The following DCTN2 variants were observed in gnomAD, a reference collection of about 807,000 sequenced individuals.
DCTN2 encodes dynactin subunit 2.
In DCTN2, 18 loss-of-function variants were observed where a neutral mutation model predicts 55.4. That is an observed-to-expected ratio of 0.32 (90% CI 0.22 to 0.48). The LOEUF is 0.48. DCTN2 is among the 20% of genes least tolerant of loss of function. The probability of loss-of-function intolerance (pLI) is 0.99; values close to 1 mark genes in which losing one functional copy is unlikely to be tolerated. For synonymous variants in DCTN2, 168 were observed against 185.2 expected (o/e 0.91, Z 0.76); for missense variants, 390 against 491.0 (o/e 0.79, Z 1.94).
At position 57,532,061 on chromosome 12, in the gene DCTN2, T is replaced by A. The variant is rs1438867633; in HGVS notation, c.1073A>T (p.Gln358Leu). 6.4e-7 allele frequency: 1 copy of A among 1,566,368 alleles called. No homozygotes were observed. The highest frequency in any genetic ancestry group is 1.2e-5 in the South Asian group (1 of 84,816). ...QLLTHLDTTQQMIANSLKDNT... is the reference protein window; with the variant it reads ...QLLTHLDTTQLMIANSLKDNT... The stretch of plus-strand genomic sequence containing the variant: ...GTCCTTCAAGGAATTAGCAATCATC[T>A]GCTGGGTGGTATCCAAGTGTGTCAG... Residue 358 changes from glutamine (Q) to leucine (L), a missense_variant, in exon 13 of 14, where the codon CAG becomes CTG. Gln to Leu is a moderately radical substitution (Grantham distance 113). Around this residue, in one of 2 missense-constraint regions of DCTN2, gnomAD observed 273 missense variants for 303.2 expected, o/e 0.90. Transcript: ENST00000548249.
intron 6 of DCTN2, 37 bp downstream of exon 6, chr12:57,534,253 CCA>C: frequency 6.5e-7 from 1 of 1,549,906 alleles, no homozygotes; most frequent in East Asian, 2.3e-5. Context: ...ATCCACAACC[CCA>C]GTCAGCAATG....
chr12:57,542,360 C>T (rs1467095786), intron 2 of DCTN2, among the ~76,000 whole-genome samples: 1 of 151,916 alleles, frequency 6.6e-6, no homozygotes, highest in African/African-American at 2.4e-5. Flanking sequence ...CTATGGGAAT[C>T]GGAAAATGTT....
At chr12:57,541,229 G>A (rs1880662060) in intron 2 of DCTN2, 2 of 935,706 alleles carry the variant, frequency 2.1e-6, no homozygotes, top group Admixed American at 2.5e-5. Flanking sequence ...AAGGCCAGCA[G>A]GCCCCTCAGT....
At chr12:57,533,832 A>G in intron 7 of DCTN2, 121 bp downstream of exon 7, 1 of 1,030,768 alleles carries the variant, frequency 9.7e-7, no homozygotes, top group South Asian at 1.8e-5. Flanking sequence ...AAGAGGAATC[A>G]ATCAAGAGGA....
At position 57,534,054 on chromosome 12, in the gene DCTN2, C is replaced by T; in HGVS notation, c.568G>A (p.Gly190Arg). The T allele has an allele frequency of 6.2e-7, 1 of 1,612,338 alleles. No homozygotes were observed. Among genetic ancestry groups the T allele is most frequent in the Non-Finnish European group, 8.5e-7 (1 of 1,179,292 alleles). The change falls in exon 7 of 14, where the codon GGA (glycine) becomes AGA (arginine). Residue 190 changes from glycine to arginine, a missense_variant. Physicochemically the swap from Gly to Arg is moderately radical, Grantham distance 125. This residue lies in a region of DCTN2 where 273 missense variants were observed against 303.2 expected (regional missense o/e 0.90). Transcript: ENST00000548249. ...GTCCCAGTGGTTTTTCCCCCTGATC[C>T]CCCTTTGCTGTTCTTTGTTGCTTCC... ...QLEATKNSKG[G>R]SGGKTTGTPP...
At chr12:57,530,897 G>A (rs1253436275) in intron 13 of DCTN2, 122 bp from the exon 14 acceptor site, 4 of 863,728 alleles carry the variant, frequency 4.6e-6, no homozygotes, top group South Asian at 3.0e-5. Context: ...GGCCACAGAG[G>A]GGGGATGTTT....
In DCTN2 at chr12:57,544,785, C is replaced by T. The variant is rs117703790; in HGVS notation, c.105+1243G>A. 2.2e-4 allele frequency among the ~76,000 whole-genome samples: 33 copies of T among 152,214 alleles called. 1 individual carries two copies. In the East Asian group the frequency reaches 6.2e-3, roughly 28 times the overall value. On this transcript the variant is annotated intron_variant, in intron 2 of 13. Coordinates refer to ENST00000548249, the MANE Select transcript of DCTN2 (RefSeq NM_001261413.2). Reference sequence around the variant, plus strand: ...ATACAGAGAACCGATTGTATACACTCCTATTCTGTGAGGACAGAGGCAGCT... The same window carrying T: ...ATACAGAGAACCGATTGTATACACTTCTATTCTGTGAGGACAGAGGCAGCT...
intron 2 of DCTN2, among the ~76,000 whole-genome samples, chr12:57,545,716 G>C (rs1881093153): frequency 6.6e-6 from 1 of 152,160 alleles, no homozygotes; most frequent in Non-Finnish European, 1.5e-5. Flanking sequence ...CCATGGGTTA[G>C]AACCCAGGGG....
chr12:57,532,718 C>T lies in DCTN2; in HGVS notation c.852+15G>A. ...CCCAAGCTATCCATAATTTAATTTT[C>T]CCTCCATTTAATACCTGTAGCCGAG... On this transcript the variant is annotated intron_variant, in intron 10 of 13. Coordinates refer to ENST00000548249, the MANE Select transcript of DCTN2 (RefSeq NM_001261413.2). 1 of 1,613,876 alleles carries T rather than the reference C, an allele frequency of 6.2e-7. No homozygotes were observed. Among genetic ancestry groups the T allele is most frequent in the Non-Finnish European group, 8.5e-7 (1 of 1,179,836 alleles).
At chr12:57,537,760 G>A (rs888418847) in intron 2 of DCTN2, among the ~76,000 whole-genome samples, 11 of 152,194 alleles carry the variant, frequency 7.2e-5, no homozygotes, top group African/African-American at 2.7e-4. Flanking sequence ...AGTGCCCGGG[G>A]GGAGAGACAT....
intron 2 of DCTN2, chr12:57,538,299 GCA>G: frequency 1.6e-6 from 1 of 626,568 alleles, no homozygotes; most frequent in South Asian, 1.5e-5. Flanking sequence ...TGGCCCGGGA[GCA>G]CACTCTAGTC....
chr12:57,536,563 T>C (rs1880249328), intron 2 of DCTN2, among the ~76,000 whole-genome samples: 1 of 152,198 alleles, frequency 6.6e-6, no homozygotes. Flanking sequence ...AGCTCTGAAA[T>C]GGAGATAAAC....
At chr12:57,533,123 C>A in intron 8 of DCTN2, 101 bp from the exon 9 acceptor site, 1 of 1,557,746 alleles carries the variant, frequency 6.4e-7, no homozygotes, top group Admixed American at 1.8e-5. Context: ...ACTAGCTGAT[C>A]CCTGTAACTG....
rs1263415936 is a variant in DCTN2 at position 57,530,743 on chromosome 12, T to G, written c.1152A>C (p.Thr384=). ...VQTTMRENLA[T]VEGNFASIDE... is the part of the protein sequence containing the mutation. ...CAATGCTGGCAAAGTTCCCCTCAAC[T>G]GTGGCCAGGTTTTCACGCATGGTTG... The change falls in exon 14 of 14, where the codon ACA becomes ACC. Residue 384 remains threonine (T), a synonymous_variant. Coordinates refer to ENST00000548249, the MANE Select transcript of DCTN2 (RefSeq NM_001261413.2). 2.5e-6 allele frequency: 4 copies of G among 1,613,990 alleles called. No homozygotes were observed. The highest frequency in any genetic ancestry group is 3.4e-6 in the Non-Finnish European group (4 of 1,179,848).
intron 5 of DCTN2, 161 bp from the exon 6 acceptor site, chr12:57,534,613 C>T: frequency 1.6e-6 from 1 of 612,876 alleles, no homozygotes; most frequent in Non-Finnish European, 2.7e-6. Flanking sequence ...CAGATGGATG[C>T]ATATTTGTAA....
intron 5 of DCTN2, 66 bp downstream of exon 5, chr12:57,534,990 C>T (rs1273749870): frequency 7.3e-7 from 1 of 1,375,642 alleles, no homozygotes; most frequent in Non-Finnish European, 1.0e-6. Context: ...TCTTTCTCTT[C>T]TTGCTTGAGG....
At chr12:57,545,950 T>TC in intron 2 of DCTN2, 78 bp downstream of exon 2, 1 of 1,466,824 alleles carries the variant, frequency 6.8e-7, no homozygotes, top group Non-Finnish European at 9.5e-7. Context: ...TTGCTGTAGC[T>TC]CCCCCGAGAA....
intron 2 of DCTN2, chr12:57,536,138 CT>C: frequency 2.6e-6 from 1 of 386,552 alleles, no homozygotes; most frequent in Non-Finnish European, 4.7e-6. Context: ...CATGCTACCC[CT>C]CCCAGTTGTC....
intron 4 of DCTN2, 69 bp downstream of exon 4, chr12:57,535,415 C>T: frequency 6.3e-7 from 1 of 1,578,426 alleles, no homozygotes; most frequent in African/African-American, 1.3e-5. Flanking sequence ...CCCTTGATCT[C>T]CCTACTACAT....
Sources: allele counts gnomAD v4.1 joint callset (sites outside exome capture counted in the v4.1 genomes callset), GRCh38; gene constraint gnomAD v4.1.1; regional missense constraint gnomAD v4.1.1; transcripts MANE v1.5; gene names NCBI Gene and HGNC (gene_info 2026-07-23, HGNC 2026-07-21).